Variants in CPAMD8 observed in about 807,000 individuals in gnomAD.
The protein encoded by CPAMD8 is C3 and PZP like alpha-2-macroglobulin domain containing 8.
CPAMD8 carries 146 observed loss-of-function variants against 224.7 expected under a neutral mutation model. That is an observed-to-expected ratio of 0.65 (90% confidence interval 0.57 to 0.75). CPAMD8 has a LOEUF of 0.75. Ranked by LOEUF, CPAMD8 falls within the 30% of genes least tolerant of loss-of-function variation. The pLI is 0.00. For synonymous variants in CPAMD8, 966 were observed against 1,044.6 expected (o/e 0.92, Z 1.45); for missense variants, 2,301 against 2,537.5 (o/e 0.91, Z 2.00).
chr19:17,012,755 G>C (rs2056695487), intron 3 of CPAMD8, among the ~76,000 whole-genome samples: 1 of 152,212 alleles, frequency 6.6e-6, no homozygotes, highest in African/African-American at 2.4e-5. Flanking sequence ...AGAGTTACAA[G>C]AACTGTCTCC....
At chr19:16,938,132 T>C (rs2053758692) in intron 23 of CPAMD8, among the ~76,000 whole-genome samples, 2 of 152,172 alleles carry the variant, frequency 1.3e-5, no homozygotes, top group Non-Finnish European at 2.9e-5. Context: ...TTCCTGTGTA[T>C]TCATTCCCTG....
intron 21 of CPAMD8, among the ~76,000 whole-genome samples, 179 bp downstream of exon 21, chr19:16,946,895 C>T (rs141108012): frequency 6.6e-5 from 10 of 152,228 alleles, no homozygotes; most frequent in African/African-American, 1.4e-4. Flanking sequence ...GCTTGCCTCC[C>T]CACTCCTCCT....
At chr19:16,969,601 C>A in intron 18 of CPAMD8, among the ~76,000 whole-genome samples, 1 of 152,072 alleles carries the variant, frequency 6.6e-6, no homozygotes, top group East Asian at 1.9e-4. Flanking sequence ...GACTCTAGGC[C>A]GGGTGCAGAG....
intron 13 of CPAMD8, among the ~76,000 whole-genome samples, chr19:16,986,432 G>T (rs1478824876): frequency 3.3e-5 from 5 of 152,090 alleles, no homozygotes; most frequent in African/African-American, 1.2e-4. Flanking sequence ...AGAACACAAG[G>T]TTCCTTCCTG....
At position 16,914,706 on chromosome 19, in the gene CPAMD8, G is replaced by A; in HGVS notation, c.3737C>T (p.Ala1246Val). 1 of 1,614,104 alleles carries A rather than the reference G, an allele frequency of 6.2e-7. No homozygotes were observed. The highest frequency in any genetic ancestry group is 1.1e-5 in the South Asian group (1 of 91,086). ...GCCCACGGCCAGGAAGGAGCCATCG[G>A]CCTGCTGCTGCTGGATGATCCAGCT... Reference protein sequence around the residue: ...AKSWIIQQQQADGSFLAVGRV... With the variant: ...AKSWIIQQQQVDGSFLAVGRV... Residue 1246 changes from alanine to valine, a missense_variant, in exon 28 of 42, where the codon GCC becomes GTC. This residue lies in a region of CPAMD8 where 1,709 missense variants were observed against 1,753.2 expected (regional missense o/e 0.97). Coordinates refer to ENST00000443236, the MANE Select transcript of CPAMD8 (RefSeq NM_015692.5).
chr19:16,993,351 G>A, intron 12 of CPAMD8, 65 bp downstream of exon 12: 1 of 1,431,476 alleles, frequency 7.0e-7, no homozygotes, highest in Non-Finnish European at 9.6e-7. Flanking sequence ...CCTGCACCCA[G>A]CCTGGGGGAG....
At chr19:17,006,045 C>T (rs189215150) in intron 7 of CPAMD8, among the ~76,000 whole-genome samples, 3 of 151,878 alleles carry the variant, frequency 2.0e-5, no homozygotes, top group African/African-American at 2.4e-5. Context: ...GCTCATGCAA[C>T]CTTCACTCCC....
At chr19:16,894,178 A>G in intron 41 of CPAMD8, 1 of 245,118 alleles carries the variant, frequency 4.1e-6, no homozygotes, top group South Asian at 4.5e-5. Flanking sequence ...AAGGTGGGGG[A>G]TCTCCCAAGG....
Position 17,022,146 on chromosome 19 carries a change from G to A in CPAMD8, c.128C>T (p.Ala43Val), listed in dbSNP as rs201146129. The change falls in exon 2 of 42, where the codon GCG (alanine) becomes GTG (valine). Residue 43 changes from alanine (A) to valine (V), a missense_variant. Ala to Val is a moderately conservative substitution (Grantham distance 64). This residue lies in a region of CPAMD8 where 283 missense variants were observed against 340.6 expected (regional missense o/e 0.83). Coordinates refer to ENST00000443236, the MANE Select transcript of CPAMD8 (RefSeq NM_015692.5). Reference protein sequence around the residue: ...YLIAAPSVFRAGVEEVISVTI... With the variant: ...YLIAAPSVFRVGVEEVISVTI... ...CACGCTGATGACTTCCTCCACGCCC[G>A]CGCGAAAAACAGAGGGAGCTGCAAT... 1.8e-4 allele frequency: 297 copies of A among 1,609,922 alleles called. No homozygotes were observed. Among genetic ancestry groups the A allele is most frequent in the Non-Finnish European group, 2.3e-4 (273 of 1,177,982 alleles).
intron 23 of CPAMD8, among the ~76,000 whole-genome samples, chr19:16,933,314 GA>G (rs530171526): frequency 1.5e-3 from 227 of 151,564 alleles, no homozygotes; most frequent in African/African-American, 4.9e-3. Context: ...TGAATAAAAA[GA>G]AAAAATAATA....
intron 13 of CPAMD8, among the ~76,000 whole-genome samples, chr19:16,982,681 T>G (rs2055555712): frequency 6.6e-6 from 1 of 150,976 alleles, no homozygotes; most frequent in African/African-American, 2.4e-5. Flanking sequence ...CAAAAAATAA[T>G]AAAAAAAATA....
intron 19 of CPAMD8, among the ~76,000 whole-genome samples, chr19:16,955,142 A>C (rs898471659): frequency 6.6e-6 from 1 of 151,970 alleles, no homozygotes; most frequent in Non-Finnish European, 1.5e-5. Context: ...ACAAACACAC[A>C]AAAATAGCTG....
chr19:16,939,187 T>C (rs188993061), intron 22 of CPAMD8, among the ~76,000 whole-genome samples: 11,551 of 84,406 alleles, frequency 0.14, 942 homozygotes, highest in African/African-American at 0.32. Flanking sequence ...ATTTATTTAT[T>C]TATCTATCTA....
Position 16,897,914 on chromosome 19 carries a change from G to A in CPAMD8, c.4929C>T (p.Val1643=). The A allele has an allele frequency of 6.2e-7, 1 of 1,610,784 alleles. No individual in the cohort carries two copies. Among genetic ancestry groups the A allele is most frequent in the Non-Finnish European group, 8.5e-7 (1 of 1,179,278 alleles). The change falls in exon 38 of 42, where the codon GTC becomes GTT. Residue 1643 remains valine, a synonymous_variant. Coordinates refer to ENST00000443236, the MANE Select transcript of CPAMD8 (RefSeq NM_015692.5). ...CVVGRTSALP[V]SVYDYYEPAF... is the part of the protein sequence containing the mutation. ...CGGGTTCGTAGTAGTCGTACACGGAGACTGGCAGCGCCGACGTCCTGCCCA... is the reference window on the plus strand; with the variant it reads ...CGGGTTCGTAGTAGTCGTACACGGAAACTGGCAGCGCCGACGTCCTGCCCA...
At position 16,975,270 on chromosome 19, in the gene CPAMD8, G is replaced by A. The variant is rs779870282; in HGVS notation, c.1909-12C>T. Reference sequence around the variant, plus strand: ...AGTTCCTGGAAAACCTGCAGGCAAAGGGGGACAGAGACTTGTCAGCTGAAG... The same window carrying A: ...AGTTCCTGGAAAACCTGCAGGCAAAAGGGGACAGAGACTTGTCAGCTGAAG... On this transcript the variant is annotated splice_polypyrimidine_tract_variant and intron_variant, in intron 16 of 41. Coordinates refer to ENST00000443236, the MANE Select transcript of CPAMD8 (RefSeq NM_015692.5). 6.3e-7 allele frequency: 1 copy of A among 1,593,936 alleles called. No individual in the cohort carries two copies. The highest frequency in any genetic ancestry group is 1.8e-5 in the Admixed American group (1 of 57,132).
intron 19 of CPAMD8, 22 bp from the exon 20 acceptor site, chr19:16,952,222 T>C: frequency 1.5e-6 from 2 of 1,355,440 alleles, no homozygotes; most frequent in African/African-American, 1.4e-5. Context: ...CAGACAGCCA[T>C]GATGGGGGGC....
chr19:16,928,195 C>T lies in CPAMD8; in HGVS notation c.3184G>A (p.Val1062Met). ...GPEPSNESVI[V>M]AWTLPRPPEV... ...GGTGGCCTCGGGAGGGTCCAGGCCA[C>T]AATGACAGACTCATTGGATGGCTCT... Residue 1062 changes from valine to methionine, a missense_variant, in exon 25 of 42, where the codon GTG becomes ATG. By Grantham distance (21) the Val-to-Met change is conservative. Around this residue, in one of 4 missense-constraint regions of CPAMD8, gnomAD observed 1,709 missense variants for 1,753.2 expected, o/e 0.97. Coordinates refer to ENST00000443236, the MANE Select transcript of CPAMD8 (RefSeq NM_015692.5). The T allele has an allele frequency of 1.9e-6, 3 of 1,614,090 alleles. No individual in the cohort carries two copies. The highest frequency in any genetic ancestry group is 1.7e-6 in the Non-Finnish European group (2 of 1,180,040).
At position 16,901,255 on chromosome 19, in the gene CPAMD8, C is replaced by A. The variant is rs540468823; in HGVS notation, c.4728G>T (p.Val1576=). The stretch of plus-strand genomic sequence containing the variant: ...CTGCCCGGAAGCCTGACAGCAGGGG[C>A]ACCTCCAGGACAGCCATATTGGAAG... ...AGSSNMAVLE[V]PLLSGFRADI... Residue 1576 remains valine, a synonymous_variant, in exon 36 of 42, where the codon GTG becomes GTT. Coordinates refer to ENST00000443236, the MANE Select transcript of CPAMD8 (RefSeq NM_015692.5). The A allele has an allele frequency of 3.7e-6, 6 of 1,612,672 alleles. No homozygotes were observed. The African/African-American group carries it at 8.0e-5, about 22-fold the overall frequency.
chr19:16,973,993 C>T (rs907576564), intron 17 of CPAMD8, among the ~76,000 whole-genome samples: 1 of 150,734 alleles, frequency 6.6e-6, no homozygotes, highest in African/African-American at 2.4e-5. Flanking sequence ...CCACGCCCAG[C>T]TAATTATTGT....
Sources: gnomAD v4.1 joint callset for allele counts (sites outside exome capture counted in the v4.1 genomes callset) on GRCh38, gnomAD v4.1.1 for gene constraint, gnomAD v4.1.1 regional missense constraint, MANE v1.5 for transcripts, NCBI Gene and HGNC (gene_info 2026-07-23, HGNC 2026-07-21) for gene names.